Variants in STK32A observed in about 807,000 individuals in gnomAD.
STK32A encodes serine/threonine kinase 32A.
STK32A carries 41 observed loss-of-function variants against 53.2 expected under a neutral mutation model. The ratio of observed to expected loss-of-function variants is 0.77; its 90% confidence interval spans 0.60 to 1.00. The LOEUF (loss-of-function observed/expected upper bound fraction) is 1.00. Ranked by LOEUF, STK32A falls within the 50% of genes least tolerant of loss-of-function variation. The pLI, the probability that STK32A is intolerant of heterozygous loss-of-function variation, is 0.00. For synonymous variants in STK32A, 166 were observed against 162.8 expected (o/e 1.02, Z -0.15); for missense variants, 458 against 485.8 (o/e 0.94, Z 0.54).
chr5:147,308,147 T>C (rs1485915297), intron 4 of STK32A, among the ~76,000 whole-genome samples: 2 of 142,568 alleles, frequency 1.4e-5, no homozygotes, highest in Admixed American at 1.4e-4. Context: ...TTTATATATA[T>C]ATATATATAT....
intron 4 of STK32A, among the ~76,000 whole-genome samples, chr5:147,310,342 C>A (rs1561710100): frequency 6.6e-6 from 1 of 152,184 alleles, no homozygotes; most frequent in East Asian, 1.9e-4. Context: ...AATTCTAGTT[C>A]ATCCCCCTCT....
At chr5:147,395,553 A>C in the STK32A span, 2 of 1,608,272 alleles carry the variant, frequency 1.2e-6, no homozygotes, top group South Asian at 2.2e-5. Flanking sequence ...AGCCTGTCCC[A>C]CTCACCTGAC....
intron 2 of STK32A, among the ~76,000 whole-genome samples, chr5:147,249,851 T>C (rs1056219758): frequency 2.9e-5 from 4 of 138,730 alleles, no homozygotes; most frequent in African/African-American, 1.1e-4. Context: ...AGGTGGAGGA[T>C]TCAGTGAGCC....
At chr5:147,312,295 G>A (rs1183467689) in intron 4 of STK32A, among the ~76,000 whole-genome samples, 3 of 152,038 alleles carry the variant, frequency 2.0e-5, no homozygotes, top group Non-Finnish European at 4.4e-5. Context: ...GTAGAGACGG[G>A]GTTTTGCCAT....
intron 2 of STK32A, among the ~76,000 whole-genome samples, chr5:147,259,465 C>G (rs1472645955): frequency 6.6e-6 from 1 of 151,906 alleles, no homozygotes; most frequent in Non-Finnish European, 1.5e-5. Flanking sequence ...ATACTTACAA[C>G]AAGGTGGTAC....
chr5:147,332,673 A>T (rs1026773953), intron 5 of STK32A, among the ~76,000 whole-genome samples: 1 of 152,012 alleles, frequency 6.6e-6, no homozygotes, highest in Non-Finnish European at 1.5e-5. Context: ...GCCCTTGCAA[A>T]TGTTCTCTTT....
chr5:147,274,214 A>C (rs1005532163), intron 2 of STK32A, among the ~76,000 whole-genome samples: 1 of 152,214 alleles, frequency 6.6e-6, no homozygotes, highest in East Asian at 1.9e-4. Context: ...TGTGCGAAGC[A>C]GGACTGAGGC....
intron 7 of STK32A, 40 bp downstream of exon 7, chr5:147,351,194 A>G (rs1445343415): frequency 3.3e-6 from 5 of 1,524,514 alleles, no homozygotes; most frequent in Non-Finnish European, 4.5e-6. Flanking sequence ...TCTTTCCTGT[A>G]AATACCATTT....
chr5:147,376,357 A>G (rs911762496), intron 11 of STK32A, among the ~76,000 whole-genome samples: 1 of 152,158 alleles, frequency 6.6e-6, no homozygotes, highest in Non-Finnish European at 1.5e-5. Flanking sequence ...CTTCTTCCCA[A>G]TGGTCTGTTC....
intron 8 of STK32A, among the ~76,000 whole-genome samples, chr5:147,363,133 T>A (rs556486320): frequency 5.1e-4 from 77 of 151,050 alleles, no homozygotes; most frequent in African/African-American, 1.9e-3. Flanking sequence ...AAGCAAGTTA[T>A]GTGCTTCCAA....
At chr5:147,243,505 G>A (rs1268906493) in intron 2 of STK32A, among the ~76,000 whole-genome samples, 3 of 54,852 alleles carry the variant, frequency 5.5e-5, no homozygotes, top group African/African-American at 1.3e-4. Flanking sequence ...TCAGGAGGCC[G>A]AGGCGGGCAG....
intron 6 of STK32A, among the ~76,000 whole-genome samples, chr5:147,348,225 T>A (rs1755779825): frequency 1.3e-5 from 2 of 152,188 alleles, no homozygotes; most frequent in Non-Finnish European, 1.5e-5. Flanking sequence ...GCAACAACAT[T>A]TTGAAAACTG....
the STK32A span, chr5:147,400,803 G>A: frequency 6.2e-7 from 1 of 1,614,160 alleles, no homozygotes; most frequent in East Asian, 2.2e-5. Context: ...TGAAGGTGCA[G>A]TGGGCACTCC....
chr5:147,332,252 G>A (rs75072448), intron 5 of STK32A, among the ~76,000 whole-genome samples: 2,582 of 151,992 alleles, frequency 0.017, 91 homozygotes, highest in African/African-American at 0.059. Context: ...AAGTCCATTG[G>A]CTTTAGTATA....
At chr5:147,363,692 A>G (rs1399266773) in intron 8 of STK32A, among the ~76,000 whole-genome samples, 4 of 152,204 alleles carry the variant, frequency 2.6e-5, no homozygotes, top group African/African-American at 9.6e-5. Context: ...CTGCTAGTAT[A>G]ATCCCATCTT....
At position 147,333,329 on chromosome 5, in the gene STK32A, G is replaced by A. The variant is rs192602926; in HGVS notation, c.434+9258G>A. Among the ~76,000 whole-genome samples the A allele has an allele frequency of 7.0e-4, 106 of 152,250 alleles. 1 individual carries two copies. Among genetic ancestry groups the A allele is most frequent in the African/African-American group, 2.5e-3 (104 of 41,540 alleles). On this transcript the variant is annotated intron_variant, in intron 5 of 12. Coordinates refer to ENST00000397936, the MANE Select transcript of STK32A (RefSeq NM_001112724.2). ...TTGGGAGCATCTGTACGATGGTATA[G>A]ATATATATAATGCATATAGTTTTAT...
At chr5:147,376,368 C>T (rs1318135850) in intron 11 of STK32A, among the ~76,000 whole-genome samples, 1 of 152,070 alleles carries the variant, frequency 6.6e-6, no homozygotes, top group African/African-American at 2.4e-5. Context: ...TGGTCTGTTC[C>T]TCATGATCAT....
chr5:147,343,751 G>A (rs926232238), intron 6 of STK32A, among the ~76,000 whole-genome samples: 2 of 152,144 alleles, frequency 1.3e-5, no homozygotes, highest in African/African-American at 4.8e-5. Context: ...CACATAACTA[G>A]TATGTACCAA....
intron 2 of STK32A, among the ~76,000 whole-genome samples, chr5:147,272,087 T>C (rs1411628475): frequency 6.6e-6 from 1 of 152,214 alleles, no homozygotes; most frequent in African/African-American, 2.4e-5. Flanking sequence ...CTCTCTTTTG[T>C]ACTCTGTCCC....
Sources: gnomAD v4.1 joint callset for allele counts (sites outside exome capture counted in the v4.1 genomes callset) on GRCh38, gnomAD v4.1.1 for gene constraint, MANE v1.5 for transcripts, NCBI Gene and HGNC (gene_info 2026-07-23, HGNC 2026-07-21) for gene names.